The following EPHX1 variants were observed in gnomAD, a reference collection of about 807,000 sequenced individuals.
EPHX1 encodes the protein epoxide hydratase.
In EPHX1, 40 loss-of-function variants were observed where a neutral mutation model predicts 43.2. That is an observed-to-expected ratio of 0.93 (90% confidence interval 0.72 to 1.21). The LOEUF (loss-of-function observed/expected upper bound fraction) is 1.21, where lower values mean the gene tolerates loss of function less well. EPHX1 is among the 50% of genes most tolerant of loss of function. The pLI is 0.00. For synonymous variants in EPHX1, 221 were observed against 226.7 expected (o/e 0.98, Z 0.22); for missense variants, 550 against 570.4 (o/e 0.96, Z 0.36).
chr1:225,822,582 G>A (rs562634754), intron 1 of EPHX1, among the ~76,000 whole-genome samples: 2 of 152,170 alleles, frequency 1.3e-5, no homozygotes, highest in Non-Finnish European at 2.9e-5. Flanking sequence ...TTGATGTTTT[G>A]AAGAAGTTCT....
intron 1 of EPHX1, among the ~76,000 whole-genome samples, chr1:225,827,756 C>T (rs558571822): frequency 1.3e-5 from 2 of 152,218 alleles, no homozygotes; most frequent in Non-Finnish European, 2.9e-5. Context: ...CTAGAAACCA[C>T]TGGAGGGTTC....
intron 3 of EPHX1, among the ~76,000 whole-genome samples, chr1:225,834,012 A>G (rs13374417): frequency 0.8 from 115,846 of 145,506 alleles, 46,083 homozygotes; most frequent in East Asian, 0.96. Context: ...GCAGAAGAAT[A>G]GCGTGAACCC....
At position 225,817,793 on chromosome 1, in the gene EPHX1, T is replaced by C. The variant is rs1455024117; in HGVS notation, c.-6+7624T>C. Among the ~76,000 whole-genome samples the C allele has an allele frequency of 6.6e-6, 1 of 152,264 alleles. No homozygotes were observed. On this transcript the variant is annotated intron_variant, in intron 1 of 8. Coordinates refer to ENST00000272167, the MANE Select transcript of EPHX1 (RefSeq NM_001136018.4). The surrounding 1 kb of genome is among the most constrained non-coding windows in gnomAD (Gnocchi z 5.7). ...CATGGCCTTTGTTCTGGAAAAATAC[T>C]TGGGCATTCTGCCCTGCAATGCACT...
At chr1:225,824,868 A>G (rs1272480329) in intron 1 of EPHX1, among the ~76,000 whole-genome samples, 1 of 152,196 alleles carries the variant, frequency 6.6e-6, no homozygotes, top group African/African-American at 2.4e-5. Flanking sequence ...CAGGCTAATC[A>G]AGAACACTTT....
At chr1:225,822,663 G>A (rs896398967) in intron 1 of EPHX1, among the ~76,000 whole-genome samples, 1 of 152,208 alleles carries the variant, frequency 6.6e-6, no homozygotes, top group Non-Finnish European at 1.5e-5. Context: ...AAAGGTGAAG[G>A]CTTAGCCACC....
At position 225,830,391 on chromosome 1, in the gene EPHX1, T is replaced by G. The variant is rs144021885; in HGVS notation, c.184-1388T>G. Among the ~76,000 whole-genome samples the G allele has an allele frequency of 2.2e-3, 332 of 152,308 alleles. 2 individuals carry two copies. The highest frequency in any genetic ancestry group is 7.6e-3 in the African/African-American group (318 of 41,572). On this transcript the variant is annotated intron_variant, in intron 2 of 8. Transcript: ENST00000272167. ...GCTTGAGAGGCTCTCTAAGCTGACA[T>G]GAACTTCCTCCCTCTGGGGCTGGCC...
intron 3 of EPHX1, chr1:225,832,185 C>G (rs1667645259): frequency 5.4e-6 from 3 of 558,816 alleles, no homozygotes; most frequent in Non-Finnish European, 9.7e-6. Flanking sequence ...ATTTAAAAAC[C>G]AAAGAAATGC....
chr1:225,832,648 A>T (rs1023720392), intron 3 of EPHX1, among the ~76,000 whole-genome samples: 2 of 152,250 alleles, frequency 1.3e-5, no homozygotes, highest in African/African-American at 4.8e-5. Flanking sequence ...CAGCAGCTGC[A>T]CCATTTTACT....
intron 7 of EPHX1, among the ~76,000 whole-genome samples, chr1:225,842,839 C>T (rs1668542713): frequency 6.6e-6 from 1 of 152,208 alleles, no homozygotes; most frequent in Non-Finnish European, 1.5e-5. Context: ...ATCAGGGTCA[C>T]GTGACTGCGT....
At position 225,815,411 on chromosome 1, in the gene EPHX1, CTTTTTTTTTTTT is replaced by C. The variant is rs5781415; in HGVS notation, c.-6+5253_-6+5264del. 2.6e-5 allele frequency among the ~76,000 whole-genome samples: 2 copies of C among 78,206 alleles called. 1 individual carries two copies. Among genetic ancestry groups the C allele is most frequent in the African/African-American group, 1.1e-4 (2 of 18,478 alleles). 51.3% of individuals were successfully genotyped at this position (78,206 alleles called of 152,430 possible). A position where few individuals can be genotyped will look rare whatever the true frequency, so the allele number is the denominator to read the frequency against. On this transcript the variant is annotated intron_variant, in intron 1 of 8. Coordinates refer to ENST00000272167, the MANE Select transcript of EPHX1 (RefSeq NM_001136018.4). ...TGCACCACCATGCCCAGCTAATTTTCTTTTTTTTTTTTTTTTTTTTTTGTAGAGACAAGGTTT... is the reference window on the plus strand; with the variant it reads ...TGCACCACCATGCCCAGCTAATTTTCTTTTTTTTTTGTAGAGACAAGGTTT...
At position 225,842,413 on chromosome 1, in the gene EPHX1, G is replaced by C; in HGVS notation, c.979G>C (p.Glu327Gln). The change falls in exon 7 of 9, where the codon GAG (glutamate) becomes CAG (glutamine). Residue 327 changes from glutamate (E) to glutamine (Q), a missense_variant. Glu to Gln is a conservative substitution (Grantham distance 29). Coordinates refer to ENST00000272167, the MANE Select transcript of EPHX1 (RefSeq NM_001136018.4). ...SPVGLAAYIL[E>Q]KFSTWTNTEF... ...TGTGGGTCTGGCTGCCTATATTCTA[G>C]AGAAGTTTTCCACCTGGACCAATAC... 1.2e-6 allele frequency: 2 copies of C among 1,614,166 alleles called. No individual in the cohort carries two copies. The highest frequency in any genetic ancestry group is 1.1e-5 in the South Asian group (1 of 91,084).
At chr1:225,839,376 T>TGA (rs758966544) in intron 5 of EPHX1, 30 bp downstream of exon 5, 1 of 1,540,236 alleles carries the variant, frequency 6.5e-7, no homozygotes, top group Non-Finnish European at 8.9e-7. Flanking sequence ...GGTGTGTGTG[T>TGA]GTGTGTGTGT....
chr1:225,839,601 C>G (rs1439479119), intron 5 of EPHX1, among the ~76,000 whole-genome samples: 1 of 152,098 alleles, frequency 6.6e-6, no homozygotes, highest in African/African-American at 2.4e-5. Context: ...TTAGACCTCT[C>G]TGCTGGACCA....
In EPHX1 at chr1:225,815,114, C is replaced by CA. The variant is rs1385986511; in HGVS notation, c.-6+4946dup. Among the ~76,000 whole-genome samples the CA allele has an allele frequency of 2.2e-3, 312 of 142,464 alleles. 7 individuals carry two copies. Among genetic ancestry groups the CA allele is most frequent in the South Asian group, 3.5e-3 (16 of 4,590 alleles). The allele number at this position is 142,464 out of a possible 152,430, so 93.5% of individuals were successfully genotyped here. On this transcript the variant is annotated intron_variant, in intron 1 of 8. Coordinates refer to ENST00000272167, the MANE Select transcript of EPHX1 (RefSeq NM_001136018.4). The stretch of plus-strand genomic sequence containing the variant: ...CAAATGTAGCCACCAGGTCGGGGCA[C>CA]AGCCACCAGGTGGAAGAAGCAACCC...
chr1:225,838,750 T>C lies in EPHX1; in HGVS notation c.461T>C (p.Phe154Ser). 1 of 1,614,192 alleles carries C rather than the reference T, an allele frequency of 6.2e-7. No individual in the cohort carries two copies. Among genetic ancestry groups the C allele is most frequent in the Non-Finnish European group, 8.5e-7 (1 of 1,180,022 alleles). The change falls in exon 4 of 9, where the codon TTC becomes TCC. Residue 154 changes from phenylalanine (F) to serine (S), a missense_variant. Coordinates refer to ENST00000272167, the MANE Select transcript of EPHX1 (RefSeq NM_001136018.4). Reference sequence around the variant, plus strand: ...ATGGTGCACGGCTGGCCCGGCTCTTTCTACGAGTTTTATAAGATCATCCCA... The same window carrying C: ...ATGGTGCACGGCTGGCCCGGCTCTTCCTACGAGTTTTATAAGATCATCCCA... ...LLMVHGWPGS[F>S]YEFYKIIPLL...
rs532519384 is a variant in EPHX1 at position 225,815,549 on chromosome 1, G to A, written c.-6+5380G>A. Among the ~76,000 whole-genome samples, 81 of 151,770 alleles carry A rather than the reference G, an allele frequency of 5.3e-4. 4 individuals are homozygous for A. The highest frequency in any genetic ancestry group is 1.6e-3 in the African/African-American group (65 of 41,358). On this transcript the variant is annotated intron_variant, in intron 1 of 8. Coordinates refer to ENST00000272167, the MANE Select transcript of EPHX1 (RefSeq NM_001136018.4). ...ATTACAGGCGTGAGCCACGGCACCC[G>A]GTCGAGATGGAACATCTTAATTTCA... is the stretch of plus-strand genomic sequence containing the variant.
intron 1 of EPHX1, 62 bp downstream of exon 1, chr1:225,810,231 G>C (rs1666404145): frequency 3.3e-5 from 5 of 151,268 alleles, no homozygotes; most frequent in African/African-American, 1.2e-4. Context: ...CGGGCTCCGC[G>C]CGGGCTCGGC....
intron 7 of EPHX1, among the ~76,000 whole-genome samples, chr1:225,843,426 G>A (rs1193387514): frequency 6.6e-6 from 1 of 152,208 alleles, no homozygotes; most frequent in African/African-American, 2.4e-5. Context: ...CATTCCTGCA[G>A]GCAGGTCCTC....
At chr1:225,814,882 G>T (rs193004764) in intron 1 of EPHX1, among the ~76,000 whole-genome samples, 1 of 152,230 alleles carries the variant, frequency 6.6e-6, no homozygotes, top group Admixed American at 6.5e-5. Flanking sequence ...GAGACTTTAG[G>T]AAAGTAAGAG....
Sources: gnomAD v4.1 joint callset for allele counts (sites outside exome capture counted in the v4.1 genomes callset) on GRCh38, gnomAD v4.1.1 for gene constraint, Gnocchi (gnomAD v3.1) non-coding constraint, MANE v1.5 for transcripts, NCBI Gene and HGNC (gene_info 2026-07-23, HGNC 2026-07-21) for gene names.